DLG2: variants seen among roughly 807,000 people sequenced by gnomAD.
The protein encoded by DLG2 is disks large homolog 2.
In DLG2, 45 loss-of-function variants were observed where a neutral mutation model predicts 132.5. The ratio of observed to expected loss-of-function variants is 0.34; its 90% CI spans 0.27 to 0.44. The LOEUF (loss-of-function observed/expected upper bound fraction) is 0.44. Among genes scored for constraint, DLG2 ranks in the 20% least tolerant of loss-of-function variants. The pLI, the probability that DLG2 is intolerant of heterozygous loss-of-function variation, is 1.00. For missense variants in DLG2, 1,045 were observed against 1,196.9 expected (o/e 0.87, Z 1.87); for synonymous variants, 424 against 419.6 (o/e 1.01, Z -0.13).
intron 3 of DLG2, among the ~76,000 whole-genome samples, chr11:85,352,524 C>A (rs1452854711): frequency 6.6e-6 from 1 of 152,218 alleles, no homozygotes; most frequent in Non-Finnish European, 1.5e-5. Flanking sequence ...ATCTTTCCTG[C>A]TTTCTCTGGT....
intron 6 of DLG2, among the ~76,000 whole-genome samples, chr11:84,931,237 A>T (rs981744986): frequency 6.6e-6 from 1 of 152,028 alleles, no homozygotes; most frequent in African/African-American, 2.4e-5. Context: ...GGTTTCTTGT[A>T]CAGTTTATTT....
chr11:84,157,050 A>G (rs1193258632), intron 9 of DLG2, among the ~76,000 whole-genome samples: 1 of 152,096 alleles, frequency 6.6e-6, no homozygotes, highest in East Asian at 1.9e-4. Context: ...AGGTCTCTTT[A>G]GCTATTTTTA....
intron 5 of DLG2, among the ~76,000 whole-genome samples, chr11:85,130,421 G>C (rs1433506348): frequency 6.6e-6 from 1 of 152,116 alleles, no homozygotes; most frequent in African/African-American, 2.4e-5. Flanking sequence ...GAGGAGCCAA[G>C]GGGACAGTGA....
At chr11:84,966,658 G>A (rs902048704) in intron 6 of DLG2, among the ~76,000 whole-genome samples, 2 of 152,104 alleles carry the variant, frequency 1.3e-5, no homozygotes, top group Admixed American at 6.6e-5. Context: ...CAGACACTAT[G>A]TATGGTTAAT....
At chr11:83,607,525 C>T (rs1213917246) in intron 19 of DLG2, among the ~76,000 whole-genome samples, 2 of 152,212 alleles carry the variant, frequency 1.3e-5, no homozygotes, top group Non-Finnish European at 2.9e-5. Context: ...GGCACATGGA[C>T]ACTTACTACA....
chr11:84,684,129 G>T (rs184964656), intron 6 of DLG2, among the ~76,000 whole-genome samples: 2 of 152,282 alleles, frequency 1.3e-5, no homozygotes, highest in East Asian at 3.9e-4. Flanking sequence ...ATCAGGCACA[G>T]GATAGATGCA....
At chr11:85,261,335 G>T (rs1410662635) in intron 4 of DLG2, among the ~76,000 whole-genome samples, 1 of 151,970 alleles carries the variant, frequency 6.6e-6, no homozygotes, top group Non-Finnish European at 1.5e-5. Flanking sequence ...TCCCCTACCT[G>T]AGGCCCCTTC....
At chr11:85,583,130 G>GTGTATGTATATATA (rs1555190569) in intron 3 of DLG2, among the ~76,000 whole-genome samples, 1 of 13,598 alleles carries the variant, frequency 7.4e-5, no homozygotes, top group Non-Finnish European at 1.6e-4. Context: ...GTGTGTGTGT[G>GTGTATGTATATATA]TATATATATA....
intron 18 of DLG2, among the ~76,000 whole-genome samples, chr11:83,637,464 G>A (rs2065146878): frequency 6.6e-6 from 1 of 152,078 alleles, no homozygotes; most frequent in South Asian, 2.1e-4. Context: ...AAAGTTCTGA[G>A]GTAGATATAT....
At chr11:84,247,741 A>T (rs779745928) in intron 8 of DLG2, among the ~76,000 whole-genome samples, 1 of 152,216 alleles carries the variant, frequency 6.6e-6, no homozygotes, top group Non-Finnish European at 1.5e-5. Context: ...TGACACTTAC[A>T]TAAAAATTCC....
chr11:84,661,622 G>T (rs188410638), intron 6 of DLG2, among the ~76,000 whole-genome samples: 7 of 152,146 alleles, frequency 4.6e-5, no homozygotes, highest in African/African-American at 1.4e-4. Flanking sequence ...TACAAGCCAG[G>T]GATATAAGAG....
intron 14 of DLG2, among the ~76,000 whole-genome samples, chr11:83,932,767 AG>A (rs1177330929): frequency 6.6e-6 from 1 of 152,002 alleles, no homozygotes; most frequent in Non-Finnish European, 1.5e-5. Flanking sequence ...GGTTCTTTCA[AG>A]GGAGCCATAA....
chr11:84,585,436 T>G (rs2099527338), intron 6 of DLG2, among the ~76,000 whole-genome samples: 1 of 152,156 alleles, frequency 6.6e-6, no homozygotes, highest in South Asian at 2.1e-4. Context: ...TGATGTCTGT[T>G]AGGCCATGTA....
chr11:85,377,011 A>G (rs1243927226), intron 3 of DLG2, among the ~76,000 whole-genome samples: 1 of 152,190 alleles, frequency 6.6e-6, no homozygotes, highest in Admixed American at 6.5e-5. Flanking sequence ...CAACTCCATG[A>G]AATAGGTATT....
At chr11:84,756,508 T>C (rs1033142092) in intron 6 of DLG2, among the ~76,000 whole-genome samples, 3 of 152,240 alleles carry the variant, frequency 2.0e-5, no homozygotes, top group African/African-American at 7.2e-5. Flanking sequence ...TCTACCACTT[T>C]CTAGGTGTGT....
intron 4 of DLG2, among the ~76,000 whole-genome samples, chr11:85,223,896 G>A (rs2074816937): frequency 6.6e-6 from 1 of 152,032 alleles, no homozygotes; most frequent in South Asian, 2.1e-4. Flanking sequence ...AAATCTCTCT[G>A]CTACCCTTCC....
chr11:85,386,432 T>A (rs989869362), intron 3 of DLG2, among the ~76,000 whole-genome samples: 1 of 152,202 alleles, frequency 6.6e-6, no homozygotes, highest in African/African-American at 2.4e-5. Context: ...CATTCCTATC[T>A]CATCACATTG....
At chr11:84,911,944 C>T (rs539512516) in intron 6 of DLG2, among the ~76,000 whole-genome samples, 74 of 152,164 alleles carry the variant, frequency 4.9e-4, no homozygotes, top group Middle Eastern at 6.8e-3. Context: ...TAATTTTTTT[C>T]ATCTCCTCAA....
At chr11:83,541,234 A>G (rs1432057) in intron 20 of DLG2, among the ~76,000 whole-genome samples, 56,565 of 151,996 alleles carry the variant, frequency 0.37, 10,673 homozygotes, top group Middle Eastern at 0.48. Flanking sequence ...ATTTTTTTCT[A>G]CTAATATTTG....
Sources: allele counts gnomAD v4.1 joint callset (sites outside exome capture counted in the v4.1 genomes callset), GRCh38; gene constraint gnomAD v4.1.1; transcripts MANE v1.5; gene names NCBI Gene and HGNC (gene_info 2026-07-23, HGNC 2026-07-21).